EPHA6: variants seen among roughly 807,000 people sequenced by gnomAD.
EPHA6 encodes ephrin type-A receptor 6.
In EPHA6, 50 loss-of-function variants were observed where a neutral mutation model predicts 112.0. The ratio of observed to expected loss-of-function variants is 0.45; its 90% CI spans 0.36 to 0.56. The LOEUF is 0.56. EPHA6 is among the 20% of genes least tolerant of loss of function. EPHA6 has a pLI of 0.00. For synonymous variants in EPHA6, 529 were observed against 490.7 expected (o/e 1.08, Z -1.03); for missense variants, 1,280 against 1,417.4 (o/e 0.90, Z 1.56).
chr3:97,000,736 T>C (rs1387935350), intron 3 of EPHA6, among the ~76,000 whole-genome samples: 1 of 151,704 alleles, frequency 6.6e-6, no homozygotes, highest in Non-Finnish European at 1.5e-5. Context: ...TATTGTCATG[T>C]CAAGTAATTA....
chr3:96,946,219 A>G (rs911157559), intron 2 of EPHA6, among the ~76,000 whole-genome samples: 4 of 152,032 alleles, frequency 2.6e-5, no homozygotes, highest in East Asian at 3.9e-4. Context: ...ACATGTGCAC[A>G]ACATGCAGGT....
At chr3:96,874,536 A>C (rs867535154) in intron 2 of EPHA6, among the ~76,000 whole-genome samples, 1 of 152,144 alleles carries the variant, frequency 6.6e-6, no homozygotes, top group South Asian at 2.1e-4. Flanking sequence ...GAAATGATAG[A>C]GTACTTGTCA....
chr3:96,881,555 G>A (rs955883403), intron 2 of EPHA6, among the ~76,000 whole-genome samples: 1 of 152,178 alleles, frequency 6.6e-6, no homozygotes, highest in Non-Finnish European at 1.5e-5. Context: ...AATTCAGTGA[G>A]ATTTGGGTTG....
chr3:97,404,430 T>A (rs2087201596), intron 5 of EPHA6, among the ~76,000 whole-genome samples: 3 of 152,204 alleles, frequency 2.0e-5, no homozygotes, highest in Middle Eastern at 3.4e-3. Flanking sequence ...AAAACTGCTG[T>A]TTTTTTAGAA....
chr3:97,700,779 C>T (rs2033336572), intron 14 of EPHA6, among the ~76,000 whole-genome samples: 1 of 152,046 alleles, frequency 6.6e-6, no homozygotes, highest in Admixed American at 6.6e-5. Context: ...ATATTCAGTT[C>T]TGCATATTAT....
At chr3:97,446,744 T>C (rs1279667887) in intron 6 of EPHA6, among the ~76,000 whole-genome samples, 2 of 152,182 alleles carry the variant, frequency 1.3e-5, no homozygotes, top group Non-Finnish European at 2.9e-5. Context: ...AGAAACAATA[T>C]CTTTTTTTCT....
intron 1 of EPHA6, among the ~76,000 whole-genome samples, chr3:96,824,214 G>A (rs2033493080): frequency 6.6e-6 from 1 of 151,430 alleles, no homozygotes; most frequent in Non-Finnish European, 1.5e-5. Flanking sequence ...CCAGAAATGT[G>A]GAATTAAATT....
chr3:97,268,733 T>G (rs754252693), intron 5 of EPHA6, among the ~76,000 whole-genome samples: 16 of 152,256 alleles, frequency 1.1e-4, no homozygotes, highest in South Asian at 8.3e-4. Flanking sequence ...ATGATGAATT[T>G]AAAAAGTACA....
intron 10 of EPHA6, among the ~76,000 whole-genome samples, chr3:97,530,568 C>T (rs1230213403): frequency 2.0e-5 from 3 of 150,344 alleles, no homozygotes; most frequent in African/African-American, 7.3e-5. Context: ...TCAGGAAATT[C>T]ATCCTCCAAC....
intron 3 of EPHA6, among the ~76,000 whole-genome samples, chr3:97,116,627 A>G (rs1414626175): frequency 6.6e-6 from 1 of 151,700 alleles, no homozygotes; most frequent in Non-Finnish European, 1.5e-5. Flanking sequence ...TACTTAGCAT[A>G]ATGTCCTCCA....
intron 3 of EPHA6, among the ~76,000 whole-genome samples, chr3:97,053,585 A>T (rs193235014): frequency 1.3e-5 from 2 of 152,114 alleles, no homozygotes; most frequent in Admixed American, 6.6e-5. Flanking sequence ...GAATGGGCAC[A>T]TCTCAAACAG....
chr3:97,045,434 C>A (rs1559691612), intron 3 of EPHA6, among the ~76,000 whole-genome samples: 1 of 151,846 alleles, frequency 6.6e-6, no homozygotes, highest in Non-Finnish European at 1.5e-5. Flanking sequence ...CTGACATAGT[C>A]TTTTTATGAA....
intron 6 of EPHA6, among the ~76,000 whole-genome samples, chr3:97,429,053 T>A (rs1204518818): frequency 6.6e-6 from 1 of 152,164 alleles, no homozygotes; most frequent in Non-Finnish European, 1.5e-5. Context: ...CAACATCATT[T>A]AAGGGTTGGC....
chr3:97,479,253 T>C, intron 8 of EPHA6, 41 bp from the exon 9 acceptor site: 6 of 1,381,800 alleles, frequency 4.3e-6, no homozygotes, highest in Non-Finnish European at 5.9e-6. Context: ...GTATGCATCA[T>C]ACTTCTTAAA....
chr3:97,478,836 C>T (rs1403836090), intron 8 of EPHA6, among the ~76,000 whole-genome samples: 1 of 152,026 alleles, frequency 6.6e-6, no homozygotes, highest in Non-Finnish European at 1.5e-5. Context: ...ATCTTGAGAG[C>T]ATGGTTATCC....
At position 97,358,649 on chromosome 3, in the gene EPHA6, AT is replaced by A. The variant is rs199900688; in HGVS notation, c.1607-46491del. Reference sequence around the variant, plus strand: ...TGCACATGTATTTACTTTTATTGAGATTTTTTTTTTCATATGGCCTCAAGTT... The same window carrying A: ...TGCACATGTATTTACTTTTATTGAGATTTTTTTTTCATATGGCCTCAAGTT... On this transcript the variant is annotated intron_variant, in intron 5 of 17. Coordinates refer to ENST00000389672, the MANE Select transcript of EPHA6 (RefSeq NM_001080448.3). 3.6e-3 allele frequency among the ~76,000 whole-genome samples: 540 copies of A among 149,848 alleles called. 3 individuals carry two copies. Among genetic ancestry groups the A allele is most frequent in the African/African-American group, 0.011 (455 of 40,828 alleles).
At chr3:97,359,892 A>AT (rs1052701099) in intron 5 of EPHA6, among the ~76,000 whole-genome samples, 5 of 151,640 alleles carry the variant, frequency 3.3e-5, no homozygotes, top group African/African-American at 1.2e-4. Flanking sequence ...TCACTTTCTA[A>AT]TTTTTTCTGT....
chr3:97,693,124 A>G (rs1576300094), intron 14 of EPHA6, among the ~76,000 whole-genome samples: 2 of 152,214 alleles, frequency 1.3e-5, no homozygotes, highest in East Asian at 3.9e-4. Flanking sequence ...TCAGTGAGAT[A>G]GGCATCTGTA....
intron 3 of EPHA6, among the ~76,000 whole-genome samples, chr3:97,045,409 G>A (rs377568022): frequency 3.3e-5 from 5 of 151,984 alleles, no homozygotes; most frequent in Admixed American, 1.3e-4. Context: ...CAAAAATCAC[G>A]TAATCAACAC....
Sources: gnomAD v4.1 joint callset for allele counts (sites outside exome capture counted in the v4.1 genomes callset) on GRCh38, gnomAD v4.1.1 for gene constraint, MANE v1.5 for transcripts, NCBI Gene and HGNC (gene_info 2026-07-23, HGNC 2026-07-21) for gene names.